PLPP4: variants seen among roughly 807,000 people sequenced by gnomAD.
PLPP4 encodes diacylglycerol pyrophosphate like 2.
Under a neutral mutation model 32.2 loss-of-function variants are expected in PLPP4, and 20 were observed. The observed-to-expected ratio is 0.62, with a 90% confidence interval of 0.44 to 0.90. The LOEUF is 0.90. Among genes scored for constraint, PLPP4 ranks in the 40% least tolerant of loss-of-function variants. The probability of loss-of-function intolerance (pLI) is 0.00; values close to 1 mark genes in which losing one functional copy is unlikely to be tolerated. For synonymous variants in PLPP4, 127 were observed against 133.0 expected (o/e 0.95, Z 0.31); for missense variants, 257 against 353.1 (o/e 0.73, Z 2.18).
At chr10:120,514,744 T>C (rs753651641) in intron 3 of PLPP4, among the ~76,000 whole-genome samples, 1 of 152,160 alleles carries the variant, frequency 6.6e-6, no homozygotes, top group Non-Finnish European at 1.5e-5. Context: ...TAAACTAACC[T>C]GTAGCCAGGT....
chr10:120,575,366 G>A (rs1849173350), intron 6 of PLPP4, 65 bp downstream of exon 6: 8 of 1,519,882 alleles, frequency 5.3e-6, no homozygotes, highest in Non-Finnish European at 7.2e-6. Flanking sequence ...AGGGATGGGT[G>A]TAGAAATGCA....
intron 1 of PLPP4, among the ~76,000 whole-genome samples, chr10:120,485,332 CTT>C (rs1350904002): frequency 6.6e-6 from 1 of 152,236 alleles, no homozygotes; most frequent in Non-Finnish European, 1.5e-5. Context: ...TTGCTAAACT[CTT>C]TTCACCTGCT....
intron 1 of PLPP4, among the ~76,000 whole-genome samples, chr10:120,489,794 G>A (rs1038189499): frequency 6.6e-6 from 1 of 152,206 alleles, no homozygotes; most frequent in Non-Finnish European, 1.5e-5. Context: ...GCAGCAGGCT[G>A]CAATTAGTTC....
At chr10:120,503,438 C>A (rs2133865939) in intron 1 of PLPP4, 8 of 1,020,716 alleles carry the variant, frequency 7.8e-6, no homozygotes, top group Non-Finnish European at 1.2e-5. Flanking sequence ...GTTACTCCCT[C>A]CCTTATGTTC....
intron 5 of PLPP4, among the ~76,000 whole-genome samples, chr10:120,527,319 A>G (rs1846446243): frequency 6.8e-6 from 1 of 147,622 alleles, no homozygotes; most frequent in South Asian, 2.1e-4. Flanking sequence ...TGGAACTCAG[A>G]TAGGATTTCT....
intron 2 of PLPP4, among the ~76,000 whole-genome samples, chr10:120,511,960 G>A (rs1162512299): frequency 6.6e-6 from 1 of 152,094 alleles, no homozygotes; most frequent in Non-Finnish European, 1.5e-5. Flanking sequence ...CGGGCGTGGT[G>A]GCGGGCGCCT....
At chr10:120,582,223 C>G in intron 6 of PLPP4, among the ~76,000 whole-genome samples, 1 of 152,232 alleles carries the variant, frequency 6.6e-6, no homozygotes. Context: ...AGTCTGAAAT[C>G]AAAGTGTTGG....
intron 4 of PLPP4, among the ~76,000 whole-genome samples, chr10:120,520,452 C>T (rs917440791): frequency 1.3e-5 from 2 of 152,208 alleles, no homozygotes; most frequent in Non-Finnish European, 2.9e-5. Flanking sequence ...ACTTATTTAT[C>T]GTTCTCTTCA....
intron 1 of PLPP4, among the ~76,000 whole-genome samples, chr10:120,472,394 TTAAA>T (rs1184892028): frequency 1.3e-5 from 2 of 152,158 alleles, no homozygotes; most frequent in East Asian, 3.8e-4. Flanking sequence ...ATTCAACACT[TTAAA>T]TATGTCTTTG....
At chr10:120,576,700 C>A (rs764912044) in intron 6 of PLPP4, among the ~76,000 whole-genome samples, 4 of 152,184 alleles carry the variant, frequency 2.6e-5, no homozygotes, top group African/African-American at 4.8e-5. Context: ...GGTCTGAGGC[C>A]CTCCTGATGG....
chr10:120,468,043 C>T (rs141142422), intron 1 of PLPP4, among the ~76,000 whole-genome samples: 699 of 64,836 alleles, frequency 0.011, 218 homozygotes, highest in African/African-American at 0.021. Flanking sequence ...CAGCCCCATC[C>T]ATGTTCCTGC....
At chr10:120,580,860 C>T in intron 6 of PLPP4, 1 of 1,286,194 alleles carries the variant, frequency 7.8e-7, no homozygotes, top group Non-Finnish European at 1.0e-6. Flanking sequence ...ATATCCTCAG[C>T]CCAAGTGAAT....
At chr10:120,542,974 G>A (rs1458052981) in intron 5 of PLPP4, among the ~76,000 whole-genome samples, 1 of 152,230 alleles carries the variant, frequency 6.6e-6, no homozygotes, top group Non-Finnish European at 1.5e-5. Flanking sequence ...ATGTGTCATA[G>A]GGACCATGTG....
At chr10:120,473,253 AT>A (rs1435817223) in intron 1 of PLPP4, among the ~76,000 whole-genome samples, 4 of 151,386 alleles carry the variant, frequency 2.6e-5, no homozygotes, top group Non-Finnish European at 5.9e-5. Context: ...CTTTTGGGTC[AT>A]TTTAGTCTTC....
intron 1 of PLPP4, among the ~76,000 whole-genome samples, chr10:120,485,466 AG>A (rs1195036556): frequency 6.6e-6 from 1 of 152,208 alleles, no homozygotes; most frequent in Non-Finnish European, 1.5e-5. Flanking sequence ...ACCTACTTCC[AG>A]CCCAGGCCAG....
rs1338735251 is a variant in PLPP4, at chr10:120,457,300, C to T, written c.-6C>T. 2.6e-6 allele frequency: 4 copies of T among 1,517,242 alleles called. No homozygotes were observed. Among genetic ancestry groups the T allele is most frequent in the African/African-American group, 1.4e-5 (1 of 70,664 alleles). 94.0% of individuals were successfully genotyped at this position (1,517,242 alleles called of 1,614,324 possible). A position where few individuals can be genotyped will look rare whatever the true frequency, so the allele number is the denominator to read the frequency against. On this transcript the variant is annotated 5_prime_UTR_variant, in exon 1 of 7. Coordinates refer to ENST00000398250, the MANE Select transcript of PLPP4 (RefSeq NM_001030059.3). ...CTGACGCCGCGGGAGCTGCTCCGGCCGCACCATGCGGGAGCTGGCCATTGA... is the reference window on the plus strand; with the variant it reads ...CTGACGCCGCGGGAGCTGCTCCGGCTGCACCATGCGGGAGCTGGCCATTGA...
At chr10:120,568,549 T>G in intron 5 of PLPP4, among the ~76,000 whole-genome samples, 1 of 152,244 alleles carries the variant, frequency 6.6e-6, no homozygotes. Context: ...GCATTACTAT[T>G]CAAATATCTT....
intron 1 of PLPP4, among the ~76,000 whole-genome samples, chr10:120,479,455 CCT>C (rs1368267716): frequency 3.3e-5 from 5 of 151,670 alleles, no homozygotes; most frequent in African/African-American, 7.2e-5. Context: ...TTATCACATT[CCT>C]CTGTTTTGTT....
intron 2 of PLPP4, among the ~76,000 whole-genome samples, chr10:120,507,361 T>TATC (rs891335081): frequency 1.0e-5 from 1 of 99,760 alleles, no homozygotes; most frequent in African/African-American, 4.2e-5. Flanking sequence ...TCATCATCAT[T>TATC]ATCATCATCA....
Sources: allele counts gnomAD v4.1 joint callset (sites outside exome capture counted in the v4.1 genomes callset), GRCh38; gene constraint gnomAD v4.1.1; transcripts MANE v1.5; gene names NCBI Gene and HGNC (gene_info 2026-07-23, HGNC 2026-07-21).